EFNB3: variants seen among roughly 807,000 people sequenced by gnomAD.
The protein encoded by EFNB3 is ephrin-B3.
Under a neutral mutation model 29.8 loss-of-function variants are expected in EFNB3, and 14 were observed. That is an observed-to-expected ratio of 0.47 (90% confidence interval 0.31 to 0.73). The LOEUF is 0.73. Ranked by LOEUF, EFNB3 falls within the 30% of genes least tolerant of loss-of-function variation. EFNB3 has a pLI of 0.05. For synonymous variants in EFNB3, 216 were observed against 191.6 expected (o/e 1.13, Z -1.05); for missense variants, 408 against 458.0 (o/e 0.89, Z 1.00).
Position 7,705,849 on chromosome 17 carries a change from A to C in EFNB3, c.122+129A>C. The C allele has an allele frequency of 8.7e-7, 1 of 1,144,128 alleles. No individual in the cohort carries two copies. Among genetic ancestry groups the C allele is most frequent in the South Asian group, 1.6e-5 (1 of 62,798 alleles). 70.9% of individuals were successfully genotyped at this position (1,144,128 alleles called of 1,614,324 possible). On this transcript the variant is annotated intron_variant, in intron 1 of 4. Transcript: ENST00000226091. The surrounding 1 kb of genome is among the most constrained non-coding windows in gnomAD (Gnocchi z 5.4). Reference sequence around the variant, plus strand: ...GAAGGTGCTGGTGCTCTGATGTGTGATGGGTTACTAGACAGGTGATCTTGG... The same window carrying C: ...GAAGGTGCTGGTGCTCTGATGTGTGCTGGGTTACTAGACAGGTGATCTTGG...
chr17:7,707,171 G>C (rs1446591247), intron 1 of EFNB3, among the ~76,000 whole-genome samples: 1 of 152,168 alleles, frequency 6.6e-6, no homozygotes, highest in African/African-American at 2.4e-5. Context: ...GGGGCTGCAG[G>C]GGTTGGCAAG....
rs114289965 is a variant in EFNB3 at position 7,709,945 on chromosome 17, C to T, written c.*369C>T. ...TTGGTTGGCACCGCCTTCTTTCTGC[C>T]TCTCACTGGTTTTCTCTTCTCTATC... On this transcript the variant is annotated 3_prime_UTR_variant, in exon 5 of 5. Coordinates refer to ENST00000226091, the MANE Select transcript of EFNB3 (RefSeq NM_001406.4). The surrounding 1 kb of genome is among the most constrained non-coding windows in gnomAD (Gnocchi z 4.5). The T allele has an allele frequency of 4.8e-4, 182 of 375,532 alleles. No homozygotes were observed. Among genetic ancestry groups the T allele is most frequent in the African/African-American group, 3.6e-3 (165 of 46,076 alleles). The allele number at this position is 375,532 out of a possible 1,614,324, so 23.3% of individuals were successfully genotyped here. A position where few individuals can be genotyped will look rare whatever the true frequency, so the allele number is the denominator to read the frequency against.
chr17:7,705,663 T>G lies in EFNB3; in HGVS notation c.65T>G (p.Leu22Trp), dbSNP rs768739512. 3.3e-6 allele frequency: 5 copies of G among 1,527,898 alleles called. No homozygotes were observed. Among genetic ancestry groups the G allele is most frequent in the Non-Finnish European group, 4.3e-6 (5 of 1,150,824 alleles). The allele number at this position is 1,527,898 out of a possible 1,614,324, so 94.6% of individuals were successfully genotyped here. ...GGGGCCCTGCTGCTGCTGGGGGTTTTGGGGCTGGTGTCTGGGCTCAGCCTG... is the reference window on the plus strand; with the variant it reads ...GGGGCCCTGCTGCTGCTGGGGGTTTGGGGGCTGGTGTCTGGGCTCAGCCTG... Reference protein sequence around the residue: ...RVGALLLLGVLGLVSGLSLEP... With the variant: ...RVGALLLLGVWGLVSGLSLEP... The change falls in exon 1 of 5, where the codon TTG (leucine) becomes TGG (tryptophan). Residue 22 changes from leucine to tryptophan, a missense_variant. Coordinates refer to ENST00000226091, the MANE Select transcript of EFNB3 (RefSeq NM_001406.4). The surrounding 1 kb of genome is among the most constrained non-coding windows in gnomAD (Gnocchi z 5.4).
intron 1 of EFNB3, 107 bp from the exon 2 acceptor site, chr17:7,707,851 T>A: frequency 7.7e-7 from 1 of 1,301,290 alleles, no homozygotes; most frequent in South Asian, 1.4e-5. Context: ...CGGGCAAGCG[T>A]GAGCTGAGAA....
At chr17:7,706,967 G>A (rs945217563) in intron 1 of EFNB3, among the ~76,000 whole-genome samples, 14 of 152,310 alleles carry the variant, frequency 9.2e-5, no homozygotes, top group African/African-American at 3.1e-4. Flanking sequence ...CAGCTGCAAT[G>A]TGAGTATCAG....
chr17:7,707,849 C>T (rs1029543146), intron 1 of EFNB3, 109 bp from the exon 2 acceptor site: 10 of 1,285,196 alleles, frequency 7.8e-6, no homozygotes, highest in African/African-American at 1.5e-5. Context: ...GGCGGGCAAG[C>T]GTGAGCTGAG....
At position 7,708,102 on chromosome 17, in the gene EFNB3, C is replaced by T; in HGVS notation, c.267C>T (p.Gly89=). Residue 89 remains glycine (G), a synonymous_variant, in exon 2 of 5, where the codon GGC becomes GGT. Coordinates refer to ENST00000226091, the MANE Select transcript of EFNB3 (RefSeq NM_001406.4). This position sits in a 1 kb window ranked among gnomAD's most constrained non-coding sequence, Gnocchi z 6.8. ...YKLYLVGGAQ[G]RRCEAPPAPN... is the part of the protein sequence containing the mutation. ...TGTACCTGGTAGGGGGTGCTCAGGG[C>T]CGGCGCTGTGAGGCACCCCCTGCCC... is the stretch of plus-strand genomic sequence containing the variant. 6.2e-7 allele frequency: 1 copy of T among 1,614,118 alleles called. No individual in the cohort carries two copies. Among genetic ancestry groups the T allele is most frequent in the South Asian group, 1.1e-5 (1 of 91,086 alleles).
chr17:7,705,449 G>T lies in EFNB3; in HGVS notation c.-150G>T. The T allele has an allele frequency of 3.9e-6, 2 of 506,348 alleles. No individual in the cohort carries two copies. Among genetic ancestry groups the T allele is most frequent in the East Asian group, 3.6e-5 (1 of 27,776 alleles). The allele number at this position is 506,348 out of a possible 1,614,324, so 31.4% of individuals were successfully genotyped here. A position where few individuals can be genotyped will look rare whatever the true frequency, so the allele number is the denominator to read the frequency against. ...CTGAGCGCTCTGCCGCGGGGGCGCG[G>T]GCACAGCAGGAAGCAGGTCCGCGTG... is the stretch of plus-strand genomic sequence containing the variant. On this transcript the variant is annotated 5_prime_UTR_variant, in exon 1 of 5. Transcript: ENST00000226091. This position sits in a 1 kb window ranked among gnomAD's most constrained non-coding sequence, Gnocchi z 5.4.
Position 7,709,265 on chromosome 17 carries a change from C to A in EFNB3, c.712C>A (p.Leu238Ile). The change falls in exon 5 of 5, where the codon CTC (leucine) becomes ATC (isoleucine). Residue 238 changes from leucine (L) to isoleucine (I), a missense_variant. Physicochemically the swap from Leu to Ile is conservative, Grantham distance 5 (BLOSUM62 2). Coordinates refer to ENST00000226091, the MANE Select transcript of EFNB3 (RefSeq NM_001406.4). This position sits in a 1 kb window ranked among gnomAD's most constrained non-coding sequence, Gnocchi z 4.5. ...VAGAAGGLAL[L>I]LLGVAGAGGA... ...TGGGGCAGCAGGGGGGCTGGCGCTG[C>A]TCTTGCTGGGCGTGGCAGGGGCTGG... The A allele has an allele frequency of 1.3e-6, 2 of 1,585,848 alleles. No homozygotes were observed. The highest frequency in any genetic ancestry group is 1.7e-6 in the Non-Finnish European group (2 of 1,170,794).
Position 7,709,560 on chromosome 17 carries a change from T to A in EFNB3, c.1007T>A (p.Ile336Asn). The change falls in exon 5 of 5, where the codon ATC (isoleucine) becomes AAC (asparagine). Residue 336 changes from isoleucine to asparagine, a missense_variant. Ile to Asn is a moderately radical substitution (Grantham distance 149). Transcript: ENST00000226091. The surrounding 1 kb of genome is among the most constrained non-coding windows in gnomAD (Gnocchi z 4.5). ...GGGCCCCCCCAGAGCCCTCCAAACA[T>A]CTACTACAAGGTATGAGGGCTCCTC... Reference protein sequence around the residue: ...QDGPPQSPPNIYYKV With the variant: ...QDGPPQSPPNNYYKV 2 of 1,613,804 alleles carry A rather than the reference T, an allele frequency of 1.2e-6. No individual in the cohort carries two copies. Among genetic ancestry groups the A allele is most frequent in the Non-Finnish European group, 1.7e-6 (2 of 1,179,902 alleles).
chr17:7,708,810 C>A lies in EFNB3; in HGVS notation c.613+71C>A. On this transcript the variant is annotated intron_variant, in intron 4 of 4. Coordinates refer to ENST00000226091, the MANE Select transcript of EFNB3 (RefSeq NM_001406.4). The surrounding 1 kb of genome is among the most constrained non-coding windows in gnomAD (Gnocchi z 6.8). ...TCTCAGACCCCAGCTGCCCTGCCGT[C>A]ACCCTCCCTCCCTCTTCAGTTTTGG... 1.5e-6 allele frequency: 2 copies of A among 1,357,618 alleles called. No individual in the cohort carries two copies. Among genetic ancestry groups the A allele is most frequent in the Non-Finnish European group, 2.0e-6 (2 of 1,007,982 alleles). 84.1% of individuals were successfully genotyped at this position (1,357,618 alleles called of 1,614,324 possible).
At position 7,711,337 on chromosome 17, in the gene EFNB3, C is replaced by T. The variant is rs907906552; in HGVS notation, c.*1761C>T. The T allele has an allele frequency of 6.6e-6, 1 of 152,150 alleles. No homozygotes were observed. The highest frequency in any genetic ancestry group is 1.5e-5 in the Non-Finnish European group (1 of 67,924). The allele number at this position is 152,150 out of a possible 1,614,324, so 9.4% of individuals were successfully genotyped here. On this transcript the variant is annotated 3_prime_UTR_variant, in exon 5 of 5. Transcript: ENST00000226091. ...AAAAGGGAAATTTGAACAACAAAAA[C>T]CAAAAAAAATAAAAATAAAAAACTT...
At position 7,705,701 on chromosome 17, in the gene EFNB3, T is replaced by C. The variant is rs1260996624; in HGVS notation, c.103T>C (p.Trp35Arg). 2 of 1,559,578 alleles carry C rather than the reference T, an allele frequency of 1.3e-6. No individual in the cohort carries two copies. The highest frequency in any genetic ancestry group is 1.9e-5 in the Admixed American group (1 of 52,212). ...TGGGCTCAGCCTGGAGCCTGTCTAC[T>C]GGAACTCGGCGAATAAGAGGTGAGT... The part of the protein sequence containing the change: ...VSGLSLEPVY[W>R]NSANKRFQAE... Residue 35 changes from tryptophan (W) to arginine (R), a missense_variant, in exon 1 of 5, where the codon TGG (tryptophan) becomes CGG (arginine). By Grantham distance (101) the Trp-to-Arg change is moderately radical. Around this residue, in one of 3 missense-constraint regions of EFNB3, gnomAD observed 128 missense variants for 140.8 expected, o/e 0.91. Transcript: ENST00000226091. The surrounding 1 kb of genome is among the most constrained non-coding windows in gnomAD (Gnocchi z 5.4).
At chr17:7,706,862 TCTCTG>T (rs2074329216) in intron 1 of EFNB3, among the ~76,000 whole-genome samples, 1 of 152,192 alleles carries the variant, frequency 6.6e-6, no homozygotes, top group African/African-American at 2.4e-5. Context: ...CCCTCACACT[TCTCTG>T]CTCTGCCATC....
At chr17:7,707,449 T>G (rs1385685344) in intron 1 of EFNB3, among the ~76,000 whole-genome samples, 1 of 152,170 alleles carries the variant, frequency 6.6e-6, no homozygotes, top group Non-Finnish European at 1.5e-5. Context: ...CTTAGGACAC[T>G]GGTCTGGACC....
chr17:7,705,622 G>A lies in EFNB3; in HGVS notation c.24G>A (p.Pro8=). MGPPHSG[P]GGVRVGALLL... ...TCATGGGGCCCCCCCATTCTGGGCC[G>A]GGGGGCGTGCGAGTCGGGGCCCTGC... Residue 8 remains proline, a synonymous_variant, in exon 1 of 5, where the codon CCG becomes CCA. Transcript: ENST00000226091. This position sits in a 1 kb window ranked among gnomAD's most constrained non-coding sequence, Gnocchi z 5.4. The A allele has an allele frequency of 6.6e-7, 1 of 1,504,404 alleles. No individual in the cohort carries two copies. Among genetic ancestry groups the A allele is most frequent in the Non-Finnish European group, 8.8e-7 (1 of 1,140,704 alleles). The allele number at this position is 1,504,404 out of a possible 1,614,324, so 93.2% of individuals were successfully genotyped here.
chr17:7,705,942 C>T lies in EFNB3; in HGVS notation c.122+222C>T, dbSNP rs1397351580. On this transcript the variant is annotated intron_variant, in intron 1 of 4. Transcript: ENST00000226091. This position sits in a 1 kb window ranked among gnomAD's most constrained non-coding sequence, Gnocchi z 5.4. ...GCTATGGATGTCAGGAGTTTGGAGA[C>T]CCCAAAGGGGCAAGGAGAAGAAAGT... Among the ~76,000 whole-genome samples the T allele has an allele frequency of 6.6e-6, 1 of 151,208 alleles. No individual in the cohort carries two copies. Among genetic ancestry groups the T allele is most frequent in the Non-Finnish European group, 1.5e-5 (1 of 67,870 alleles).
chr17:7,709,673 C>T lies in EFNB3; in HGVS notation c.*97C>T, dbSNP rs1597427788. ...AGGGACACCTCTAACATCTCGGCCC[C>T]CTGTGCCCCCCCAGCCCCTTCACTC... On this transcript the variant is annotated 3_prime_UTR_variant, in exon 5 of 5. Transcript: ENST00000226091. This position sits in a 1 kb window ranked among gnomAD's most constrained non-coding sequence, Gnocchi z 4.5. 3 of 1,303,380 alleles carry T rather than the reference C, an allele frequency of 2.3e-6. No individual in the cohort carries two copies. In the East Asian group the frequency reaches 7.3e-5, roughly 32 times the overall value. The allele number at this position is 1,303,380 out of a possible 1,614,324, so 80.7% of individuals were successfully genotyped here. A position where few individuals can be genotyped will look rare whatever the true frequency, so the allele number is the denominator to read the frequency against.
chr17:7,705,553 G>C lies in EFNB3; in HGVS notation c.-46G>C. ...AAGGCAGCCACCCCGGGGGGTGGGCGACTTTGGGGGAGTTGGTGCCCCGCC... is the reference window on the plus strand; with the variant it reads ...AAGGCAGCCACCCCGGGGGGTGGGCCACTTTGGGGGAGTTGGTGCCCCGCC... On this transcript the variant is annotated 5_prime_UTR_variant, in exon 1 of 5. Transcript: ENST00000226091. This position sits in a 1 kb window ranked among gnomAD's most constrained non-coding sequence, Gnocchi z 5.4. 1 of 1,202,230 alleles carries C rather than the reference G, an allele frequency of 8.3e-7. No homozygotes were observed. Among genetic ancestry groups the C allele is most frequent in the Non-Finnish European group, 1.1e-6 (1 of 900,168 alleles). 74.5% of individuals were successfully genotyped at this position (1,202,230 alleles called of 1,614,324 possible). A position where few individuals can be genotyped will look rare whatever the true frequency, so the allele number is the denominator to read the frequency against.
Sources: gnomAD v4.1 joint callset for allele counts (sites outside exome capture counted in the v4.1 genomes callset) on GRCh38, gnomAD v4.1.1 for gene constraint, gnomAD v4.1.1 regional missense constraint, Gnocchi (gnomAD v3.1) non-coding constraint, MANE v1.5 for transcripts, NCBI Gene and HGNC (gene_info 2026-07-23, HGNC 2026-07-21) for gene names.